Variants in CNTN3 observed in about 807,000 individuals in gnomAD.
The protein encoded by CNTN3 is contactin-3.
Under a neutral mutation model 119.1 loss-of-function variants are expected in CNTN3, and 60 were observed. That is an observed-to-expected ratio of 0.50 (90% confidence interval 0.41 to 0.62). CNTN3 has a LOEUF of 0.62. Among genes scored for constraint, CNTN3 ranks in the 20% least tolerant of loss-of-function variants. CNTN3 has a pLI of 0.00. For synonymous variants in CNTN3, 450 were observed against 438.7 expected (o/e 1.03, Z -0.32); for missense variants, 1,101 against 1,242.4 (o/e 0.89, Z 1.71).
At chr3:74,600,393 T>G (rs1704890374) in intron 1 of CNTN3, among the ~76,000 whole-genome samples, 1 of 152,046 alleles carries the variant, frequency 6.6e-6, no homozygotes, top group South Asian at 2.1e-4. Flanking sequence ...AAATTTTTCT[T>G]CCAAGTGGAG....
intron 1 of CNTN3, among the ~76,000 whole-genome samples, chr3:74,575,921 G>C (rs890574282): frequency 6.6e-6 from 1 of 151,880 alleles, no homozygotes; most frequent in Non-Finnish European, 1.5e-5. Flanking sequence ...TGCCCAGGTG[G>C]GTAAAGGATG....
chr3:74,361,734 G>C (rs943009293), intron 11 of CNTN3, among the ~76,000 whole-genome samples, 156 bp downstream of exon 11: 1 of 152,038 alleles, frequency 6.6e-6, no homozygotes, highest in Admixed American at 6.6e-5. Flanking sequence ...CTCTTACAAA[G>C]GTATTAAAGA....
intron 5 of CNTN3, among the ~76,000 whole-genome samples, chr3:74,385,578 T>C (rs894748234): frequency 3.3e-5 from 5 of 152,198 alleles, no homozygotes. Flanking sequence ...CCTCTAGGTG[T>C]GTGCCCTTTG....
intron 13 of CNTN3, among the ~76,000 whole-genome samples, chr3:74,321,389 A>C (rs1702985176): frequency 6.6e-6 from 1 of 152,178 alleles, no homozygotes; most frequent in African/African-American, 2.4e-5. Flanking sequence ...ACAACATCAT[A>C]ATTTGTAGAA....
At chr3:74,448,570 T>C (rs1329546967) in intron 4 of CNTN3, among the ~76,000 whole-genome samples, 1 of 152,162 alleles carries the variant, frequency 6.6e-6, no homozygotes, top group African/African-American at 2.4e-5. Flanking sequence ...GAGGAACTTA[T>C]AAATTATTTA....
At chr3:74,583,842 G>A (rs750441588) in intron 1 of CNTN3, among the ~76,000 whole-genome samples, 14 of 152,160 alleles carry the variant, frequency 9.2e-5, no homozygotes, top group Non-Finnish European at 1.9e-4. Context: ...CTCATTTAGG[G>A]TGCACTAAGA....
chr3:74,388,053 CTGA>C (rs1363191474), intron 5 of CNTN3, among the ~76,000 whole-genome samples: 2 of 152,172 alleles, frequency 1.3e-5, no homozygotes, highest in African/African-American at 4.8e-5. Flanking sequence ...GCCCTCCCGG[CTGA>C]TGGCTGAGGC....
chr3:74,386,701 G>C (rs987196485), intron 5 of CNTN3, among the ~76,000 whole-genome samples: 20 of 152,192 alleles, frequency 1.3e-4, no homozygotes, highest in African/African-American at 4.8e-4. Flanking sequence ...CAGTTTCCTT[G>C]TTTGTAAAAT....
At chr3:74,369,041 T>C in intron 8 of CNTN3, 148 bp downstream of exon 8, 1 of 490,142 alleles carries the variant, frequency 2.0e-6, no homozygotes, top group Non-Finnish European at 3.4e-6. Context: ...CCCCCTATGA[T>C]CAATGTTTAT....
rs548175205 is a variant in CNTN3, at chr3:74,614,433, TCGC to T, written c.-126_-124del. On this transcript the variant is annotated 5_prime_UTR_variant, in exon 1 of 23. Transcript: ENST00000263665. The stretch of plus-strand genomic sequence containing the variant: ...CCAGACGCCCGCCCCGACGGCCCAC[TCGC>T]CGCCGCCGCCGCCGCCGCCGCCGCC... 2.8e-3 allele frequency among the ~76,000 whole-genome samples: 408 copies of T among 145,444 alleles called. No individual in the cohort carries two copies. Among genetic ancestry groups the T allele is most frequent in the African/African-American group, 8.0e-3 (325 of 40,456 alleles).
chr3:74,553,621 C>T (rs1037753752), intron 1 of CNTN3, among the ~76,000 whole-genome samples: 1 of 152,146 alleles, frequency 6.6e-6, no homozygotes, highest in Non-Finnish European at 1.5e-5. Flanking sequence ...TTTTAATGAT[C>T]GCCATTCTAA....
intron 4 of CNTN3, among the ~76,000 whole-genome samples, chr3:74,473,023 C>T (rs1022014345): frequency 2.0e-5 from 3 of 151,588 alleles, no homozygotes; most frequent in Non-Finnish European, 4.4e-5. Context: ...ACTTCTCTTT[C>T]CATGTCTAAA....
intron 20 of CNTN3, among the ~76,000 whole-genome samples, chr3:74,282,384 T>C (rs1453641877): frequency 6.6e-6 from 1 of 152,188 alleles, no homozygotes; most frequent in African/African-American, 2.4e-5. Context: ...GTAGCATGTT[T>C]TGAATTTGCA....
chr3:74,590,046 C>T (rs1575851342), intron 1 of CNTN3, among the ~76,000 whole-genome samples: 1 of 151,418 alleles, frequency 6.6e-6, no homozygotes, highest in Non-Finnish European at 1.5e-5. Context: ...CAGCATGGCA[C>T]ATGTATACAT....
chr3:74,490,479 C>T (rs1181805149), intron 3 of CNTN3, among the ~76,000 whole-genome samples: 2 of 152,074 alleles, frequency 1.3e-5, no homozygotes, highest in East Asian at 3.9e-4. Context: ...GAAGAATAAT[C>T]AAGGTACAGT....
intron 5 of CNTN3, among the ~76,000 whole-genome samples, chr3:74,420,966 T>C (rs1477085765): frequency 6.6e-6 from 1 of 152,152 alleles, no homozygotes; most frequent in Admixed American, 6.5e-5. Context: ...GCACTAGGCA[T>C]TGGCTGGTTA....
intron 1 of CNTN3, among the ~76,000 whole-genome samples, chr3:74,571,516 C>A (rs1704333193): frequency 6.6e-6 from 1 of 152,152 alleles, no homozygotes; most frequent in Non-Finnish European, 1.5e-5. Flanking sequence ...TCATCTGTAA[C>A]ATGAGAATTC....
At chr3:74,513,911 G>A (rs1184689317) in intron 2 of CNTN3, among the ~76,000 whole-genome samples, 1 of 151,478 alleles carries the variant, frequency 6.6e-6, no homozygotes. Context: ...CCAAGCAGAA[G>A]TTGGAAACAC....
At chr3:74,447,421 G>C (rs62267346) in intron 4 of CNTN3, among the ~76,000 whole-genome samples, 36,259 of 152,090 alleles carry the variant, frequency 0.24, 4,414 homozygotes, top group Admixed American at 0.27. Flanking sequence ...AATCCATATG[G>C]GTCCCCTGGG....
Sources: gnomAD v4.1 joint callset for allele counts (sites outside exome capture counted in the v4.1 genomes callset) on GRCh38, gnomAD v4.1.1 for gene constraint, MANE v1.5 for transcripts, NCBI Gene and HGNC (gene_info 2026-07-23, HGNC 2026-07-21) for gene names.